The following FAM168B variants were observed in gnomAD, a reference collection of about 807,000 sequenced individuals.
FAM168B encodes the protein myelin-associated neurite-outgrowth inhibitor.
A neutral mutation model predicts 21.8 loss-of-function variants in FAM168B; 19 were observed. That is an observed-to-expected ratio of 0.87 (90% confidence interval 0.61 to 1.28). The LOEUF is 1.28. Ranked by LOEUF, FAM168B falls within the 50% of genes most tolerant of loss-of-function variation. The pLI is 0.00. For missense variants in FAM168B, 233 were observed against 263.1 expected, an observed-to-expected ratio of 0.89 and a Z score of 0.79; for synonymous variants, 126 against 104.8, an observed-to-expected ratio of 1.20 and a Z score of -1.24.
chr2:131,072,535 C>T (rs1651437077), intron 2 of FAM168B, among the ~76,000 whole-genome samples: 1 of 149,880 alleles, frequency 6.7e-6, no homozygotes, highest in Admixed American at 6.7e-5. Context: ...GGCGCGACCT[C>T]GGCTCACTGC....
chr2:131,049,995 TCAAAGTCAGAA>T lies in FAM168B; in HGVS notation c.*2459_*2469del, dbSNP rs1691554012. The stretch of plus-strand genomic sequence containing the variant: ...TCTGACAGCTGACGTCCTAAAAATT[TCAAAGTCAGAA>T]AGATTTCTGCACGGATGTGCAATGC... On this transcript the variant is annotated 3_prime_UTR_variant, in exon 7 of 7. Coordinates refer to ENST00000389915, the MANE Select transcript of FAM168B (RefSeq NM_001009993.4). 6.1e-6 allele frequency: 6 copies of T among 985,386 alleles called. No homozygotes were observed. The highest frequency in any genetic ancestry group is 7.2e-6 in the Non-Finnish European group (6 of 829,950). 61.0% of individuals were successfully genotyped at this position (985,386 alleles called of 1,614,324 possible).
At chr2:131,064,486 G>GAC (rs1692457979) in intron 3 of FAM168B, among the ~76,000 whole-genome samples, 2 of 152,134 alleles carry the variant, frequency 1.3e-5, no homozygotes, top group African/African-American at 4.8e-5. Context: ...CTCAGCAACA[G>GAC]TGGTGGAAGC....
rs1179969129 is a variant in FAM168B, at chr2:131,090,319, CAA to C, written c.-12+2893_-12+2894del. 7.6e-3 allele frequency among the ~76,000 whole-genome samples: 569 copies of C among 75,208 alleles called. 5 individuals carry two copies. The highest frequency in any genetic ancestry group is 0.021 in the African/African-American group (514 of 24,362). 49.3% of individuals were successfully genotyped at this position (75,208 alleles called of 152,430 possible). ...GGGCGACAAAGCGAGACTCTTGTCT[CAA>C]AAAAAAAAAAAAAAAAAAGAAAGAA... On this transcript the variant is annotated intron_variant, in intron 1 of 6. Transcript: ENST00000389915.
At position 131,050,386 on chromosome 2, in the gene FAM168B, T is replaced by C. The variant is rs563439689; in HGVS notation, c.*2079A>G. 9 of 985,764 alleles carry C rather than the reference T, an allele frequency of 9.1e-6. No homozygotes were observed. In the South Asian group the frequency reaches 3.3e-4, roughly 36 times the overall value. The allele number at this position is 985,764 out of a possible 1,614,324, so 61.1% of individuals were successfully genotyped here. A position where few individuals can be genotyped will look rare whatever the true frequency, so the allele number is the denominator to read the frequency against. ...TCTGCTACTTGGTCAGCTGAACCCC[T>C]GGAACCGTTAGAACCTACTAATCCT... On this transcript the variant is annotated 3_prime_UTR_variant, in exon 7 of 7. Transcript: ENST00000389915.
chr2:131,080,743 C>T (rs1470908464), intron 2 of FAM168B, among the ~76,000 whole-genome samples: 1 of 151,560 alleles, frequency 6.6e-6, no homozygotes, highest in Non-Finnish European at 1.5e-5. Context: ...GATCTCAGCT[C>T]ACTGCAAGCT....
intron 1 of FAM168B, among the ~76,000 whole-genome samples, chr2:131,088,801 C>T (rs925912630): frequency 2.0e-5 from 3 of 152,056 alleles, no homozygotes; most frequent in Admixed American, 6.6e-5. Flanking sequence ...ACTGTACTGC[C>T]GCATTTTCAA....
chr2:131,049,192 C>T lies in FAM168B; in HGVS notation c.*3273G>A, dbSNP rs1691495278. 1.0e-6 allele frequency: 1 copy of T among 985,294 alleles called. No homozygotes were observed. Among genetic ancestry groups the T allele is most frequent in the Admixed American group, 6.2e-5 (1 of 16,254 alleles). The allele number at this position is 985,294 out of a possible 1,614,324, so 61.0% of individuals were successfully genotyped here. A position where few individuals can be genotyped will look rare whatever the true frequency, so the allele number is the denominator to read the frequency against. On this transcript the variant is annotated 3_prime_UTR_variant, in exon 7 of 7. Coordinates refer to ENST00000389915, the MANE Select transcript of FAM168B (RefSeq NM_001009993.4). ...CTCGTTACTGTTGTGTCCCCCAAGACACATGCAAATTATTTCCTAGACCTC... is the reference window on the plus strand; with the variant it reads ...CTCGTTACTGTTGTGTCCCCCAAGATACATGCAAATTATTTCCTAGACCTC...
At position 131,093,222 on chromosome 2, in the gene FAM168B, G is replaced by T. The variant is rs1229796124; in HGVS notation, c.-20C>A. The T allele has an allele frequency of 6.6e-6, 1 of 150,500 alleles. No homozygotes were observed. Among genetic ancestry groups the T allele is most frequent in the East Asian group, 1.9e-4 (1 of 5,190 alleles). The allele number at this position is 150,500 out of a possible 1,614,324, so 9.3% of individuals were successfully genotyped here. A position where few individuals can be genotyped will look rare whatever the true frequency, so the allele number is the denominator to read the frequency against. ...TGCCCGCCCCCACTCACCGCGCCGCGGCGGCGACCTGGGCCTCAGTGACCA... is the reference window on the plus strand; with the variant it reads ...TGCCCGCCCCCACTCACCGCGCCGCTGCGGCGACCTGGGCCTCAGTGACCA... On this transcript the variant is annotated 5_prime_UTR_variant, in exon 1 of 7. Coordinates refer to ENST00000389915, the MANE Select transcript of FAM168B (RefSeq NM_001009993.4).
intron 1 of FAM168B, among the ~76,000 whole-genome samples, chr2:131,087,970 T>C (rs1188951733): frequency 6.6e-6 from 1 of 152,064 alleles, no homozygotes; most frequent in Non-Finnish European, 1.5e-5. Context: ...ACTTGGCTGG[T>C]TGCAGTGGCT....
intron 3 of FAM168B, among the ~76,000 whole-genome samples, chr2:131,058,352 T>G (rs1692126759): frequency 6.6e-6 from 1 of 152,140 alleles, no homozygotes; most frequent in African/African-American, 2.4e-5. Flanking sequence ...CATACTCCCC[T>G]GCATGCCCTT....
At chr2:131,053,047 T>A (rs1691787128) in intron 5 of FAM168B, 32 bp from the exon 6 acceptor site, 1 of 1,538,594 alleles carries the variant, frequency 6.5e-7, no homozygotes. Flanking sequence ...GACATGAGGC[T>A]GACCTCCTGC....
intron 3 of FAM168B, among the ~76,000 whole-genome samples, chr2:131,061,247 G>T (rs1297354360): frequency 6.8e-6 from 1 of 147,520 alleles, no homozygotes; most frequent in Non-Finnish European, 1.5e-5. Flanking sequence ...ATGAGCCCAG[G>T]AGTTGAGACG....
intron 5 of FAM168B, among the ~76,000 whole-genome samples, 190 bp from the exon 6 acceptor site, chr2:131,053,205 C>T (rs779441700): frequency 6.6e-6 from 1 of 152,346 alleles, no homozygotes; most frequent in East Asian, 1.9e-4. Context: ...ACACAGCAAG[C>T]TCCACAGACA....
At chr2:131,058,627 C>CA (rs1025157939) in intron 3 of FAM168B, among the ~76,000 whole-genome samples, 1 of 152,144 alleles carries the variant, frequency 6.6e-6, no homozygotes, top group East Asian at 1.9e-4. Flanking sequence ...AATTTGAATA[C>CA]AACAACTTTT....
Position 131,050,462 on chromosome 2 carries a change from G to A in FAM168B, c.*2003C>T, listed in dbSNP as rs528178613. On this transcript the variant is annotated 3_prime_UTR_variant, in exon 7 of 7. Coordinates refer to ENST00000389915, the MANE Select transcript of FAM168B (RefSeq NM_001009993.4). Reference sequence around the variant, plus strand: ...ATTACCAACAGAGACTTGAAGAAAGGGGCACAAACTGTGTGCCTGCGGTAA... The same window carrying A: ...ATTACCAACAGAGACTTGAAGAAAGAGGCACAAACTGTGTGCCTGCGGTAA... 3 of 985,742 alleles carry A rather than the reference G, an allele frequency of 3.0e-6. No homozygotes were observed. In the South Asian group the frequency reaches 1.4e-4, roughly 46 times the overall value. The allele number at this position is 985,742 out of a possible 1,614,324, so 61.1% of individuals were successfully genotyped here. A position where few individuals can be genotyped will look rare whatever the true frequency, so the allele number is the denominator to read the frequency against.
chr2:131,050,983 A>AT lies in FAM168B; in HGVS notation c.*1481dup, dbSNP rs149142730. ...ACTCTCATGGATACAGGACGGGCAT[A>AT]TTTTGGGGGCGGGGTGGAGGGAAGC... On this transcript the variant is annotated 3_prime_UTR_variant, in exon 7 of 7. Transcript: ENST00000389915. 3.4e-3 allele frequency: 3,308 copies of AT among 985,412 alleles called. 100 individuals are homozygous for AT. The African/African-American group carries it at 0.053, about 16-fold the overall frequency. 61.0% of individuals were successfully genotyped at this position (985,412 alleles called of 1,614,324 possible).
intron 3 of FAM168B, among the ~76,000 whole-genome samples, chr2:131,069,805 TTTA>T (rs1324493214): frequency 7.2e-6 from 1 of 139,308 alleles, no homozygotes; most frequent in African/African-American, 2.7e-5. Context: ...GTTACACAGG[TTTA>T]TTAAGTATGG....
rs748855193 is a variant in FAM168B at position 131,055,378 on chromosome 2, C to G, written c.369G>C (p.Gln123His). ...ACACCGTTGCAGGCATGCCGTTGGGCTGCACCACCGTGGTGTGGTGGATGA... is the reference window on the plus strand; with the variant it reads ...ACACCGTTGCAGGCATGCCGTTGGGGTGCACCACCGTGGTGTGGTGGATGA... ...PHVIHHTTVV[Q>H]PNGMPATVYP... Residue 123 changes from glutamine to histidine, a missense_variant, in exon 5 of 7, where the codon CAG (glutamine) becomes CAC (histidine). Transcript: ENST00000389915. 2 of 1,602,302 alleles carry G rather than the reference C, an allele frequency of 1.2e-6. No individual in the cohort carries two copies. Among genetic ancestry groups the G allele is most frequent in the South Asian group, 2.2e-5 (2 of 89,570 alleles).
chr2:131,090,710 A>G (rs1693972619), intron 1 of FAM168B, among the ~76,000 whole-genome samples: 5 of 152,076 alleles, frequency 3.3e-5, no homozygotes, highest in Admixed American at 2.6e-4. Context: ...CTACAAAATG[A>G]ACATATATAT....
Sources: gnomAD v4.1 joint callset for allele counts (sites outside exome capture counted in the v4.1 genomes callset) on GRCh38, gnomAD v4.1.1 for gene constraint, MANE v1.5 for transcripts, NCBI Gene and HGNC (gene_info 2026-07-23, HGNC 2026-07-21) for gene names.